Variants in NACAD observed in about 807,000 individuals in gnomAD.
NACAD encodes NAC-alpha domain-containing protein 1.
Under a neutral mutation model 98.9 loss-of-function variants are expected in NACAD, and 47 were observed. The observed-to-expected ratio is 0.48, with a 90% CI of 0.38 to 0.61. The LOEUF is 0.61. Ranked by LOEUF, NACAD falls within the 20% of genes least tolerant of loss-of-function variation. The pLI is 0.00. For missense variants in NACAD, 1,412 were observed against 1,748.2 expected, an observed-to-expected ratio of 0.81 and a Z score of 3.43; for synonymous variants, 696 against 767.2, an observed-to-expected ratio of 0.91 and a Z score of 1.53.
In NACAD at chr7:45,085,978, C is replaced by T. The variant is rs994051730; in HGVS notation, c.202G>A (p.Glu68Lys). 10 of 1,536,974 alleles carry T rather than the reference C, an allele frequency of 6.5e-6. No individual in the cohort carries two copies. Among genetic ancestry groups the T allele is most frequent in the African/African-American group, 1.4e-5 (1 of 72,798 alleles). ...GGCCCTGCATCCCAGCTGGCTCCCT[C>T]GGGCTGGGGCCGGGCACCCGGCTTG... is the stretch of plus-strand genomic sequence containing the variant. ...PSKPGARPQP[E>K]GASWDAGPGG... is the part of the protein sequence containing the mutation. Residue 68 changes from glutamate to lysine, a missense_variant, in exon 2 of 8, where the codon GAG (glutamate) becomes AAG (lysine). By Grantham distance (56) the Glu-to-Lys change is moderately conservative. Transcript: ENST00000490531. This position sits in a 1 kb window ranked among gnomAD's most constrained non-coding sequence, Gnocchi z 6.1.
chr7:45,084,971 C>G lies in NACAD; in HGVS notation c.1209G>C (p.Arg403Ser). Residue 403 changes from arginine (R) to serine (S), a missense_variant, in exon 2 of 8, where the codon AGG becomes AGC. Coordinates refer to ENST00000490531, the MANE Select transcript of NACAD (RefSeq NM_001146334.2). ...GGGCATGGGGCTCCCCGCTGTACAG[C>G]CTCTCATCATCTGCCTCTGCGTAGG... ...SASYAEADDE[R>S]LYSGEPHAQA... 1 of 1,551,164 alleles carries G rather than the reference C, an allele frequency of 6.4e-7. No individual in the cohort carries two copies. The highest frequency in any genetic ancestry group is 8.7e-7 in the Non-Finnish European group (1 of 1,146,990).
rs1321089087 is a variant in NACAD, at chr7:45,081,770, C to A, written c.4170G>T (p.Val1390=). 1.3e-6 allele frequency: 2 copies of A among 1,551,002 alleles called. No homozygotes were observed. The highest frequency in any genetic ancestry group is 1.4e-5 in the African/African-American group (1 of 73,042). Residue 1390 remains valine (V), a synonymous_variant, in exon 3 of 8, where the codon GTG becomes GTT. Coordinates refer to ENST00000490531, the MANE Select transcript of NACAD (RefSeq NM_001146334.2). The stretch of plus-strand genomic sequence containing the variant: ...GACTGGGCACCTGGGCTGGACACTG[C>A]ACGGTCTGAGGAGCCAAGATGTCCT... ...DEQDILAPQT[V]QCPAQAPAGG...
rs1784519206 is a variant in NACAD at position 45,086,115 on chromosome 7, G to A, written c.68-3C>T. On this transcript the variant is annotated splice_region_variant and splice_polypyrimidine_tract_variant and intron_variant, in intron 1 of 7. Coordinates refer to ENST00000490531, the MANE Select transcript of NACAD (RefSeq NM_001146334.2). ...AGCGGCCGCATCGCAGGACAGATCT[G>A]TGGAGATAGAGAAGATCATGAGGTG... The A allele has an allele frequency of 1.3e-6, 2 of 1,535,526 alleles. No homozygotes were observed. Among genetic ancestry groups the A allele is most frequent in the East Asian group, 4.9e-5 (2 of 40,910 alleles).
In NACAD at chr7:45,085,168, C is replaced by A; in HGVS notation, c.1012G>T (p.Ala338Ser). 2 of 1,550,630 alleles carry A rather than the reference C, an allele frequency of 1.3e-6. No homozygotes were observed. The highest frequency in any genetic ancestry group is 1.7e-6 in the Non-Finnish European group (2 of 1,146,460). Reference protein sequence around the residue: ...PLSPEEEEEEAVADPDPGGDL... With the variant: ...PLSPEEEEEESVADPDPGGDL... ...CCACCTGGGTCGGGATCCGCCACAG[C>A]CTCCTCTTCTTCTTCCTCTGGGGAT... Residue 338 changes from alanine to serine, a missense_variant, in exon 2 of 8, where the codon GCT becomes TCT. Ala to Ser is a moderately conservative substitution (Grantham distance 99, BLOSUM62 1). This residue lies in a region of NACAD where 638 missense variants were observed against 722.7 expected (regional missense o/e 0.88). Transcript: ENST00000490531. This position sits in a 1 kb window ranked among gnomAD's most constrained non-coding sequence, Gnocchi z 6.1.
In NACAD at chr7:45,088,008, C is replaced by T. The variant is rs957439841; in HGVS notation, c.67+820G>A. Among the ~76,000 whole-genome samples the T allele has an allele frequency of 1.3e-5, 2 of 152,234 alleles. No homozygotes were observed. The highest frequency in any genetic ancestry group is 4.8e-5 in the African/African-American group (2 of 41,468). ...CTGGGCCTGCACTCCCTGCCTCCCA[C>T]CTAGAGCAGAGGCAGCAGCCTGTGT... On this transcript the variant is annotated intron_variant, in intron 1 of 7. Coordinates refer to ENST00000490531, the MANE Select transcript of NACAD (RefSeq NM_001146334.2). The surrounding 1 kb of genome is among the most constrained non-coding windows in gnomAD (Gnocchi z 5.7).
Position 45,082,910 on chromosome 7 carries a change from T to G in NACAD, c.3270A>C (p.Glu1090Asp). The change falls in exon 2 of 8, where the codon GAA (glutamate) becomes GAC (aspartate). Residue 1090 changes from glutamate (E) to aspartate (D), a missense_variant. Glu to Asp is a conservative substitution (Grantham distance 45). Coordinates refer to ENST00000490531, the MANE Select transcript of NACAD (RefSeq NM_001146334.2). The surrounding 1 kb of genome is among the most constrained non-coding windows in gnomAD (Gnocchi z 4.5). Reference protein sequence around the residue: ...QEGGLKPLAQEHGPRSALGGA... With the variant: ...QEGGLKPLAQDHGPRSALGGA... The stretch of plus-strand genomic sequence containing the variant: ...CTCCAAGTGCTGACCTGGGTCCATG[T>G]TCCTGTGCCAGTGGCTTCAGGCCTC... 1 of 1,551,122 alleles carries G rather than the reference T, an allele frequency of 6.4e-7. No homozygotes were observed. The highest frequency in any genetic ancestry group is 1.4e-5 in the African/African-American group (1 of 73,192).
rs756157726 is a variant in NACAD, at chr7:45,085,859, C to G, written c.321G>C (p.Thr107=). Residue 107 remains threonine (T), a synonymous_variant, in exon 2 of 8, where the codon ACG becomes ACC. Transcript: ENST00000490531. The surrounding 1 kb of genome is among the most constrained non-coding windows in gnomAD (Gnocchi z 6.1). ...CCAGGGTGGCCGGGAGAGGAGCCTCCGTGGACAGAGCCTGGGAAGACAGGC... is the reference window on the plus strand; with the variant it reads ...CCAGGGTGGCCGGGAGAGGAGCCTCGGTGGACAGAGCCTGGGAAGACAGGC... The part of the protein sequence containing the change: ...PEGLSSQALS[T]EAPLPATLEP... 1.3e-6 allele frequency: 2 copies of G among 1,546,122 alleles called. No individual in the cohort carries two copies. The highest frequency in any genetic ancestry group is 2.4e-5 in the South Asian group (2 of 83,466).
chr7:45,084,314 T>C lies in NACAD; in HGVS notation c.1866A>G (p.Ala622=). 7.1e-7 allele frequency: 1 copy of C among 1,400,282 alleles called. No individual in the cohort carries two copies. The highest frequency in any genetic ancestry group is 9.5e-7 in the Non-Finnish European group (1 of 1,056,916). The allele number at this position is 1,400,282 out of a possible 1,614,324, so 86.7% of individuals were successfully genotyped here. The change falls in exon 2 of 8, where the codon GCA becomes GCG. Residue 622 remains alanine, a synonymous_variant. Coordinates refer to ENST00000490531, the MANE Select transcript of NACAD (RefSeq NM_001146334.2). ...CAGCCTGCTGGGACACAATCGTGGCTGCAGCCACAGGCTTTGGGGCTGATG... is the reference window on the plus strand; with the variant it reads ...CAGCCTGCTGGGACACAATCGTGGCCGCAGCCACAGGCTTTGGGGCTGATG... ...DLSSAPKPVA[A]ATIVSQQAEE...
rs1331886159 is a variant in NACAD, at chr7:45,084,963, C to A, written c.1217G>T (p.Ser406Ile). 6.4e-7 allele frequency: 1 copy of A among 1,551,176 alleles called. No individual in the cohort carries two copies. Among genetic ancestry groups the A allele is most frequent in the Non-Finnish European group, 8.7e-7 (1 of 1,147,000 alleles). ...AGTGGCCTGGGCATGGGGCTCCCCGCTGTACAGCCTCTCATCATCTGCCTC... is the reference window on the plus strand; with the variant it reads ...AGTGGCCTGGGCATGGGGCTCCCCGATGTACAGCCTCTCATCATCTGCCTC... ...YAEADDERLY[S>I]GEPHAQATLL... Residue 406 changes from serine (S) to isoleucine (I), a missense_variant, in exon 2 of 8, where the codon AGC (serine) becomes ATC (isoleucine). By Grantham distance (142) the Ser-to-Ile change is moderately radical (BLOSUM62 -2). Transcript: ENST00000490531.
chr7:45,082,903 G>C lies in NACAD; in HGVS notation c.3277C>G (p.Pro1093Ala). Residue 1093 changes from proline to alanine, a missense_variant, in exon 2 of 8, where the codon CCC becomes GCC. Coordinates refer to ENST00000490531, the MANE Select transcript of NACAD (RefSeq NM_001146334.2). The surrounding 1 kb of genome is among the most constrained non-coding windows in gnomAD (Gnocchi z 4.5). ...CTTGCACCTCCAAGTGCTGACCTGG[G>C]TCCATGTTCCTGTGCCAGTGGCTTC... ...GLKPLAQEHG[P>A]RSALGGAREV... 2 of 1,551,042 alleles carry C rather than the reference G, an allele frequency of 1.3e-6. No individual in the cohort carries two copies. The highest frequency in any genetic ancestry group is 1.7e-6 in the Non-Finnish European group (2 of 1,147,004).
chr7:45,081,825 T>A lies in NACAD; in HGVS notation c.4115A>T (p.His1372Leu), dbSNP rs1227503834. The part of the protein sequence containing the change: ...ALGSGQHSDS[H>L]GESSAELDEQ... ...GTCCAGCTCGGCTGATGACTCCCCG[T>A]GGCTATCCGAATGCTGGCCCGAGCC... The change falls in exon 3 of 8, where the codon CAC (histidine) becomes CTC (leucine). Residue 1372 changes from histidine to leucine, a missense_variant. By Grantham distance (99) the His-to-Leu change is moderately conservative. This residue lies in a region of NACAD where 572 missense variants were observed against 639.6 expected (regional missense o/e 0.89). Transcript: ENST00000490531. 1 of 1,549,554 alleles carries A rather than the reference T, an allele frequency of 6.5e-7. No homozygotes were observed. The highest frequency in any genetic ancestry group is 2.0e-5 in the Admixed American group (1 of 51,000).
intron 4 of NACAD, 132 bp downstream of exon 4, chr7:45,081,469 G>T: frequency 7.7e-7 from 1 of 1,290,470 alleles, no homozygotes; most frequent in Non-Finnish European, 1.1e-6. Context: ...AGGTGTGTGG[G>T]TTACTGGCAT....
chr7:45,088,857 G>A lies in NACAD; in HGVS notation c.38C>T (p.Pro13Leu). The A allele has an allele frequency of 2.0e-6, 3 of 1,489,360 alleles. No individual in the cohort carries two copies. The highest frequency in any genetic ancestry group is 1.3e-5 in the South Asian group (1 of 79,860). The allele number at this position is 1,489,360 out of a possible 1,614,324, so 92.3% of individuals were successfully genotyped here. A position where few individuals can be genotyped will look rare whatever the true frequency, so the allele number is the denominator to read the frequency against. The part of the protein sequence containing the change: ...GEAARAELLL[P>L]EADRPGPRTD... ...GCGGGGCCCGGGTCGGTCCGCCTCG[G>A]GCAGCAGCAGCTCGGCGCGGGCAGC... is the stretch of plus-strand genomic sequence containing the variant. The change falls in exon 1 of 8, where the codon CCC becomes CTC. Residue 13 changes from proline (P) to leucine (L), a missense_variant. Transcript: ENST00000490531. The surrounding 1 kb of genome is among the most constrained non-coding windows in gnomAD (Gnocchi z 5.7).
rs1380135301 is a variant in NACAD, at chr7:45,086,985, T to TG, written c.68-874dup. Among the ~76,000 whole-genome samples the TG allele has an allele frequency of 7.9e-5, 12 of 152,290 alleles. No homozygotes were observed. In the South Asian group the frequency reaches 2.1e-3, roughly 26 times the overall value. On this transcript the variant is annotated intron_variant, in intron 1 of 7. Transcript: ENST00000490531. The stretch of plus-strand genomic sequence containing the variant: ...CCCACCCTGCCCTGTGGGCCTTCTC[T>TG]GGGTCCCATGATGCACTCCCCCAAC...
rs765306074 is a variant in NACAD, at chr7:45,081,804, A to G, written c.4136T>C (p.Leu1379Pro). ...SDSHGESSAE[L>P]DEQDILAPQT... Reference sequence around the variant, plus strand: ...AGGAGCCAAGATGTCCTGCTCGTCCAGCTCGGCTGATGACTCCCCGTGGCT... The same window carrying G: ...AGGAGCCAAGATGTCCTGCTCGTCCGGCTCGGCTGATGACTCCCCGTGGCT... The change falls in exon 3 of 8, where the codon CTG (leucine) becomes CCG (proline). Residue 1379 changes from leucine to proline, a missense_variant. This residue lies in a region of NACAD where 572 missense variants were observed against 639.6 expected (regional missense o/e 0.89). Coordinates refer to ENST00000490531, the MANE Select transcript of NACAD (RefSeq NM_001146334.2). The G allele has an allele frequency of 6.4e-7, 1 of 1,550,448 alleles. No homozygotes were observed. Among genetic ancestry groups the G allele is most frequent in the East Asian group, 2.4e-5 (1 of 40,928 alleles).
Position 45,085,207 on chromosome 7 carries a change from C to T in NACAD, c.973G>A (p.Glu325Lys), listed in dbSNP as rs906238072. 8.4e-6 allele frequency: 13 copies of T among 1,551,440 alleles called. No individual in the cohort carries two copies. Among genetic ancestry groups the T allele is most frequent in the Non-Finnish European group, 1.1e-5 (13 of 1,146,940 alleles). The change falls in exon 2 of 8, where the codon GAG (glutamate) becomes AAG (lysine). Residue 325 changes from glutamate to lysine, a missense_variant. This residue lies in a region of NACAD where 638 missense variants were observed against 722.7 expected (regional missense o/e 0.88). Coordinates refer to ENST00000490531, the MANE Select transcript of NACAD (RefSeq NM_001146334.2). This position sits in a 1 kb window ranked among gnomAD's most constrained non-coding sequence, Gnocchi z 6.1. ...TCCTCTGGGGATAGCGGTGTCACCT[C>T]CACTGCCTCCACCTGAAAGATGAGG... ...GSLIFQVEAV[E>K]VTPLSPEEEE...
In NACAD at chr7:45,088,496, G is replaced by A. The variant is rs1366631321; in HGVS notation, c.67+332C>T. Among the ~76,000 whole-genome samples the A allele has an allele frequency of 6.6e-6, 1 of 152,130 alleles. No homozygotes were observed. The highest frequency in any genetic ancestry group is 1.5e-5 in the Non-Finnish European group (1 of 68,008). On this transcript the variant is annotated intron_variant, in intron 1 of 7. Coordinates refer to ENST00000490531, the MANE Select transcript of NACAD (RefSeq NM_001146334.2). The surrounding 1 kb of genome is among the most constrained non-coding windows in gnomAD (Gnocchi z 5.7). ...GAACCCGCTGCCTCTGTCCAGAGCG[G>A]CCCAGCCCCAGCAGGCTGGCAGCTC...
chr7:45,082,719 T>G lies in NACAD; in HGVS notation c.3461A>C (p.Glu1154Ala). The G allele has an allele frequency of 6.5e-7, 1 of 1,530,894 alleles. No individual in the cohort carries two copies. Among genetic ancestry groups the G allele is most frequent in the Non-Finnish European group, 8.8e-7 (1 of 1,137,288 alleles). 94.8% of individuals were successfully genotyped at this position (1,530,894 alleles called of 1,614,324 possible). A position where few individuals can be genotyped will look rare whatever the true frequency, so the allele number is the denominator to read the frequency against. Residue 1154 changes from glutamate (E) to alanine (A), a missense_variant, in exon 2 of 8, where the codon GAG becomes GCG. Glu to Ala is a moderately radical substitution (Grantham distance 107). Around this residue, in one of 5 missense-constraint regions of NACAD, gnomAD observed 572 missense variants for 639.6 expected, o/e 0.89. Transcript: ENST00000490531. This position sits in a 1 kb window ranked among gnomAD's most constrained non-coding sequence, Gnocchi z 4.5. The stretch of plus-strand genomic sequence containing the variant: ...ACTGGACACAGCCCCTACTGAAGAC[T>G]CTGGGCAGGAGTCCAGACTGGCCTC... ...ATEASLDSCPESSVGAVSSLD... is the reference protein window; with the variant it reads ...ATEASLDSCPASSVGAVSSLD...
intron 4 of NACAD, 77 bp from the exon 5 acceptor site, chr7:45,081,340 G>A: frequency 6.6e-7 from 1 of 1,509,294 alleles, no homozygotes; most frequent in Non-Finnish European, 8.9e-7. Context: ...CAGTGCCCAG[G>A]AAGGCAAAGT....
Sources: allele counts gnomAD v4.1 joint callset (sites outside exome capture counted in the v4.1 genomes callset), GRCh38; gene constraint gnomAD v4.1.1; regional missense constraint gnomAD v4.1.1; non-coding constraint Gnocchi (gnomAD v3.1); transcripts MANE v1.5; gene names NCBI Gene and HGNC (gene_info 2026-07-23, HGNC 2026-07-21).